LCORL: variants seen among roughly 807,000 people sequenced by gnomAD.
LCORL encodes the protein ligand dependent nuclear receptor corepressor like.
LCORL carries 41 observed loss-of-function variants against 141.8 expected under a neutral mutation model. The ratio of observed to expected loss-of-function variants is 0.29; its 90% CI spans 0.23 to 0.38. The LOEUF is 0.38. Ranked by LOEUF, LCORL falls within the 10% of genes least tolerant of loss-of-function variation. The probability of loss-of-function intolerance (pLI) is 1.00; values close to 1 mark genes in which losing one functional copy is unlikely to be tolerated. For missense variants in LCORL, 1,759 were observed against 2,035.0 expected (o/e 0.86, Z 2.61); for synonymous variants, 618 against 694.1 (o/e 0.89, Z 1.72).
chr4:17,885,702 C>T (rs564281410), intron 6 of LCORL, among the ~76,000 whole-genome samples: 175 of 151,918 alleles, frequency 1.2e-3, no homozygotes, highest in Non-Finnish European at 2.1e-3. Flanking sequence ...AAGTACAGTG[C>T]TTTTGGAATT....
intron 4 of LCORL, among the ~76,000 whole-genome samples, chr4:17,916,271 G>C (rs1330010258): frequency 6.6e-6 from 1 of 152,208 alleles, no homozygotes; most frequent in Non-Finnish European, 1.5e-5. Flanking sequence ...CTCCTTGGCT[G>C]CAGCAACTGA....
At chr4:17,996,133 C>T (rs1720887901) in intron 1 of LCORL, among the ~76,000 whole-genome samples, 1 of 152,068 alleles carries the variant, frequency 6.6e-6, no homozygotes, top group Non-Finnish European at 1.5e-5. Context: ...CAGATTTACT[C>T]ATGCCTAAGT....
chr4:17,955,922 A>G (rs908209475), intron 4 of LCORL, among the ~76,000 whole-genome samples: 2 of 152,132 alleles, frequency 1.3e-5, no homozygotes, highest in African/African-American at 4.8e-5. Context: ...TGTGGTCTAT[A>G]CATTGAAGGC....
intron 1 of LCORL, among the ~76,000 whole-genome samples, chr4:17,992,787 T>C (rs1010249002): frequency 3.9e-5 from 6 of 152,248 alleles, no homozygotes; most frequent in African/African-American, 1.4e-4. Flanking sequence ...ACTCATGTGC[T>C]GGTAAATCCA....
At chr4:17,904,008 T>C (rs1429786519) in intron 5 of LCORL, among the ~76,000 whole-genome samples, 2 of 151,974 alleles carry the variant, frequency 1.3e-5, no homozygotes, top group Admixed American at 1.3e-4. Context: ...GGAGACATAA[T>C]AATTTTTACA....
intron 4 of LCORL, among the ~76,000 whole-genome samples, chr4:17,946,556 T>C (rs1437740544): frequency 2.0e-5 from 3 of 151,910 alleles, no homozygotes; most frequent in Admixed American, 6.6e-5. Flanking sequence ...GAACTGAAAA[T>C]ATAAATCTTA....
chr4:17,995,976 T>G (rs532315525), intron 1 of LCORL, among the ~76,000 whole-genome samples: 3 of 152,250 alleles, frequency 2.0e-5, no homozygotes, highest in East Asian at 3.9e-4. Flanking sequence ...TATTGAAAAT[T>G]TAATTATTTC....
intron 1 of LCORL, among the ~76,000 whole-genome samples, chr4:17,988,909 G>C (rs1204693017): frequency 6.6e-6 from 1 of 152,152 alleles, no homozygotes; most frequent in Non-Finnish European, 1.5e-5. Context: ...GTTTGAACTT[G>C]GGAGGCAGAG....
intron 3 of LCORL, among the ~76,000 whole-genome samples, chr4:17,962,644 C>T (rs1714062731): frequency 1.3e-5 from 2 of 151,888 alleles, no homozygotes; most frequent in African/African-American, 2.4e-5. Flanking sequence ...TGGTCTCAGA[C>T]CAAAGTAGGC....
intron 5 of LCORL, chr4:17,893,609 G>A: frequency 1.0e-6 from 1 of 984,766 alleles, no homozygotes; most frequent in Non-Finnish European, 1.2e-6. Context: ...CAGGAAAATT[G>A]TTATTTTCTT....
intron 4 of LCORL, among the ~76,000 whole-genome samples, chr4:17,923,022 C>T (rs1249847380): frequency 1.3e-5 from 2 of 152,170 alleles, no homozygotes; most frequent in South Asian, 2.1e-4. Context: ...AGGACCCAAC[C>T]CCAACACCCC....
chr4:17,842,253 T>G, exon 8 of LCORL: 1 of 1,496,950 alleles, frequency 6.7e-7, no homozygotes, highest in East Asian at 2.3e-5. Context: ...AGAAACTAGA[T>G]TAAAAACAAA....
chr4:17,849,815 A>G (rs1433605336), intron 7 of LCORL, among the ~76,000 whole-genome samples: 1 of 152,074 alleles, frequency 6.6e-6, no homozygotes, highest in Admixed American at 6.6e-5. Context: ...AAGAGCCCAC[A>G]TCGCCAAGTC....
chr4:17,883,967 C>T, intron 6 of LCORL: 15 of 1,550,730 alleles, frequency 9.7e-6, no homozygotes, highest in Non-Finnish European at 1.3e-5. Flanking sequence ...TTGCCGATAG[C>T]GGCCACGTTT....
At chr4:17,927,645 A>G (rs1735362479) in intron 4 of LCORL, among the ~76,000 whole-genome samples, 1 of 152,228 alleles carries the variant, frequency 6.6e-6, no homozygotes, top group Admixed American at 6.5e-5. Context: ...ATACTGTTGC[A>G]TCTCAGGGAA....
At chr4:17,856,924 G>GC (rs1277386274) in intron 7 of LCORL, among the ~76,000 whole-genome samples, 18 of 152,080 alleles carry the variant, frequency 1.2e-4, no homozygotes, top group Non-Finnish European at 2.5e-4. Flanking sequence ...TCACTGCTTT[G>GC]TTTTCTATGT....
intron 1 of LCORL, among the ~76,000 whole-genome samples, chr4:18,018,819 T>C (rs1248928445): frequency 6.6e-6 from 1 of 152,208 alleles, no homozygotes; most frequent in African/African-American, 2.4e-5. Context: ...AAGGATATTA[T>C]TTTATAAAAA....
chr4:17,934,353 A>G (rs1736515499), intron 4 of LCORL, among the ~76,000 whole-genome samples: 1 of 152,148 alleles, frequency 6.6e-6, no homozygotes, highest in South Asian at 2.1e-4. Context: ...CTTCCTGTTT[A>G]GTTCTTTTAT....
chr4:17,885,034 T>C (rs1728088270), intron 6 of LCORL, among the ~76,000 whole-genome samples: 1 of 151,988 alleles, frequency 6.6e-6, no homozygotes, highest in South Asian at 2.1e-4. Flanking sequence ...GATGTTGCTA[T>C]TCCTCTGATA....
Sources: allele counts gnomAD v4.1 joint callset (sites outside exome capture counted in the v4.1 genomes callset), GRCh38; gene constraint gnomAD v4.1.1; transcripts MANE v1.5; gene names NCBI Gene and HGNC (gene_info 2026-07-23, HGNC 2026-07-21).